ARHGAP44: variants seen among roughly 807,000 people sequenced by gnomAD.
The protein encoded by ARHGAP44 is rho GTPase-activating protein 44.
A neutral mutation model predicts 106.8 loss-of-function variants in ARHGAP44; 43 were observed. The ratio of observed to expected loss-of-function variants is 0.40; its 90% confidence interval spans 0.32 to 0.52. The LOEUF is 0.52. Among genes scored for constraint, ARHGAP44 ranks in the 20% least tolerant of loss-of-function variants. The probability of loss-of-function intolerance (pLI) is 0.48; values close to 1 mark genes in which losing one functional copy is unlikely to be tolerated. For synonymous variants in ARHGAP44, 439 were observed against 410.3 expected (o/e 1.07, Z -0.85); for missense variants, 866 against 1,050.5 (o/e 0.82, Z 2.43).
intron 1 of ARHGAP44, among the ~76,000 whole-genome samples, chr17:12,827,965 G>A (rs1388956637): frequency 6.7e-6 from 1 of 150,266 alleles, no homozygotes; most frequent in Non-Finnish European, 1.5e-5. Context: ...CTTGAACCTG[G>A]GAGGTGGAGG....
At chr17:12,857,586 C>T (rs77763489) in intron 1 of ARHGAP44, among the ~76,000 whole-genome samples, 2,868 of 152,184 alleles carry the variant, frequency 0.019, 95 homozygotes, top group African/African-American at 0.066. Flanking sequence ...ATTAAGTTTC[C>T]AGCACATGAA....
At chr17:12,846,706 A>T (rs2150839774) in intron 1 of ARHGAP44, among the ~76,000 whole-genome samples, 1 of 152,388 alleles carries the variant, frequency 6.6e-6, no homozygotes, top group East Asian at 1.9e-4. Context: ...GACATCTCTC[A>T]TGCTGTCATT....
At chr17:12,910,918 A>G (rs940678550) in intron 4 of ARHGAP44, among the ~76,000 whole-genome samples, 1 of 152,060 alleles carries the variant, frequency 6.6e-6, no homozygotes, top group African/African-American at 2.4e-5. Context: ...TTAGTGTCAA[A>G]TATGCATGTT....
intron 7 of ARHGAP44, among the ~76,000 whole-genome samples, chr17:12,931,506 A>T (rs2038398346): frequency 6.7e-6 from 1 of 148,390 alleles, no homozygotes; most frequent in African/African-American, 2.5e-5. Flanking sequence ...TTATTTATTT[A>T]TTTTTTTTGA....
chr17:12,841,594 T>TCTCTCTCTCTCTCTCTCACACACACACA (rs1417307080), intron 1 of ARHGAP44, among the ~76,000 whole-genome samples: 45 of 126,538 alleles, frequency 3.6e-4, no homozygotes, highest in African/African-American at 1.4e-3. Flanking sequence ...TGTCTCTCTC[T>TCTCTCTCTCTCTCTCTCACACACACACA]CACACACACA....
At chr17:12,978,983 C>A (rs779686724) in intron 18 of ARHGAP44, among the ~76,000 whole-genome samples, 1 of 152,204 alleles carries the variant, frequency 6.6e-6, no homozygotes, top group African/African-American at 2.4e-5. Context: ...CCACCATGCC[C>A]GGCCCAGGTT....
chr17:12,808,207 T>C (rs576981142), intron 1 of ARHGAP44, among the ~76,000 whole-genome samples: 2 of 152,296 alleles, frequency 1.3e-5, no homozygotes, highest in South Asian at 4.1e-4. Flanking sequence ...GGGCTAGCAT[T>C]GAGTGCAGCT....
At chr17:12,930,315 C>T (rs550844245) in intron 7 of ARHGAP44, among the ~76,000 whole-genome samples, 1 of 152,186 alleles carries the variant, frequency 6.6e-6, no homozygotes, top group African/African-American at 2.4e-5. Flanking sequence ...CTCACCGCAA[C>T]TTCCGTCTCC....
chr17:12,926,380 A>G (rs1054842318), intron 6 of ARHGAP44, among the ~76,000 whole-genome samples: 1 of 146,238 alleles, frequency 6.8e-6, no homozygotes, highest in Non-Finnish European at 1.5e-5. Flanking sequence ...AAAATTATAT[A>G]TGTATTATAT....
chr17:12,800,740 C>T (rs1449672488), intron 1 of ARHGAP44, among the ~76,000 whole-genome samples: 1 of 152,276 alleles, frequency 6.6e-6, no homozygotes, highest in East Asian at 1.9e-4. Context: ...TTTACAGCCC[C>T]ATTTCACAGA....
intron 16 of ARHGAP44, among the ~76,000 whole-genome samples, chr17:12,969,619 C>T (rs1368574754): frequency 6.6e-6 from 1 of 152,160 alleles, no homozygotes; most frequent in African/African-American, 2.4e-5. Context: ...ACCCAAAAAA[C>T]ACAAGCCAGA....
At chr17:12,975,581 G>A (rs2039656267) in intron 18 of ARHGAP44, among the ~76,000 whole-genome samples, 1 of 151,652 alleles carries the variant, frequency 6.6e-6, no homozygotes, top group Non-Finnish European at 1.5e-5. Flanking sequence ...GGTGGATCAC[G>A]AGGTCAGGAG....
chr17:12,835,995 G>C (rs1048115890), intron 1 of ARHGAP44, among the ~76,000 whole-genome samples: 1 of 152,080 alleles, frequency 6.6e-6, no homozygotes, highest in Non-Finnish European at 1.5e-5. Flanking sequence ...TTGTAAAGGC[G>C]GAATAGTATT....
chr17:12,820,426 A>G lies in ARHGAP44; in HGVS notation c.53+30535A>G, dbSNP rs149868324. 8.1e-3 allele frequency among the ~76,000 whole-genome samples: 1,239 copies of G among 152,286 alleles called. 25 individuals carry two copies. Among genetic ancestry groups the G allele is most frequent in the African/African-American group, 0.029 (1,195 of 41,558 alleles). ...AAAAGAAAAAAAATTACCAGTTATGATAGGTGGAGAGTATTAAATTCCAGG... is the reference window on the plus strand; with the variant it reads ...AAAAGAAAAAAAATTACCAGTTATGGTAGGTGGAGAGTATTAAATTCCAGG... On this transcript the variant is annotated intron_variant, in intron 1 of 20. Coordinates refer to ENST00000379672, the MANE Select transcript of ARHGAP44 (RefSeq NM_014859.6).
At chr17:12,871,649 G>A (rs1375160677) in intron 1 of ARHGAP44, among the ~76,000 whole-genome samples, 2 of 152,100 alleles carry the variant, frequency 1.3e-5, no homozygotes, top group Non-Finnish European at 2.9e-5. Context: ...TAGGCCCCTC[G>A]TCCAACATTG....
At chr17:12,981,501 G>A (rs961163070) in intron 19 of ARHGAP44, among the ~76,000 whole-genome samples, 2 of 151,722 alleles carry the variant, frequency 1.3e-5, no homozygotes, top group Non-Finnish European at 2.9e-5. Context: ...GGGTTCAAGC[G>A]ATTCTCCTGC....
chr17:12,933,207 T>C (rs1046739618), intron 7 of ARHGAP44, among the ~76,000 whole-genome samples: 1 of 152,242 alleles, frequency 6.6e-6, no homozygotes, highest in African/African-American at 2.4e-5. Flanking sequence ...TCCCCTGATC[T>C]CTTCATGGTT....
At chr17:12,876,442 C>T (rs2036558348) in intron 1 of ARHGAP44, among the ~76,000 whole-genome samples, 1 of 152,050 alleles carries the variant, frequency 6.6e-6, no homozygotes. Context: ...GTGTGTCTTA[C>T]CACAGCCAAT....
chr17:12,841,726 TG>T (rs1213351542), intron 1 of ARHGAP44, among the ~76,000 whole-genome samples: 1 of 152,044 alleles, frequency 6.6e-6, no homozygotes, highest in African/African-American at 2.4e-5. Flanking sequence ...CTTGTGACCC[TG>T]GGCATGCTAC....
Sources: allele counts gnomAD v4.1 joint callset (sites outside exome capture counted in the v4.1 genomes callset), GRCh38; gene constraint gnomAD v4.1.1; transcripts MANE v1.5; gene names NCBI Gene and HGNC (gene_info 2026-07-23, HGNC 2026-07-21).